ROBO1: variants seen among roughly 807,000 people sequenced by gnomAD.
ROBO1 encodes the protein roundabout guidance receptor 1, also known as roundabout homolog 1.
In ROBO1, 149 loss-of-function variants were observed where a neutral mutation model predicts 195.9. That is an observed-to-expected ratio of 0.76 (90% CI 0.67 to 0.87). ROBO1 has a LOEUF of 0.87. Among genes scored for constraint, ROBO1 ranks in the 40% least tolerant of loss-of-function variants. The pLI is 0.00. For synonymous variants in ROBO1, 816 were observed against 733.2 expected (o/e 1.11, Z -1.82); for missense variants, 1,933 against 2,068.3 (o/e 0.93, Z 1.27).
At chr3:79,735,009 A>G (rs1356027962) in intron 1 of ROBO1, among the ~76,000 whole-genome samples, 2 of 152,314 alleles carry the variant, frequency 1.3e-5, no homozygotes, top group East Asian at 3.9e-4. Context: ...CCCTTCTTGC[A>G]TTAAAATCCA....
rs978080193 is a variant in ROBO1, at chr3:78,805,434, C to T, written c.500-58534G>A. On this transcript the variant is annotated intron_variant, in intron 4 of 30. Coordinates refer to ENST00000464233, the MANE Select transcript of ROBO1 (RefSeq NM_002941.4). ...TTACATTTAATTACTTATACATAAA[C>T]GTCAGTAAACCATATTTACAACTAC... 9.2e-5 allele frequency among the ~76,000 whole-genome samples: 14 copies of T among 151,946 alleles called. No individual in the cohort carries two copies. The East Asian group carries it at 1.4e-3, about 15-fold the overall frequency.
chr3:78,901,922 T>C (rs763597673), intron 4 of ROBO1, among the ~76,000 whole-genome samples: 2 of 152,228 alleles, frequency 1.3e-5, no homozygotes, highest in African/African-American at 2.4e-5. Flanking sequence ...ATAAGTATCC[T>C]ATAAAGTTCT....
chr3:79,146,001 GTTC>G (rs2080640926), intron 2 of ROBO1, among the ~76,000 whole-genome samples: 1 of 148,190 alleles, frequency 6.7e-6, no homozygotes, highest in African/African-American at 2.5e-5. Flanking sequence ...TTTGAGAATA[GTTC>G]AAGTGGGTAA....
At chr3:79,720,791 A>ATTTTTT (rs1381422604) in intron 1 of ROBO1, among the ~76,000 whole-genome samples, 1 of 69,756 alleles carries the variant, frequency 1.4e-5, no homozygotes, top group Admixed American at 2.2e-4. Flanking sequence ...AGGAGTTGCT[A>ATTTTTT]ATTTTTTTTT....
chr3:78,779,890 T>C (rs951107521), intron 4 of ROBO1, among the ~76,000 whole-genome samples: 5 of 151,896 alleles, frequency 3.3e-5, no homozygotes, highest in Non-Finnish European at 5.9e-5. Flanking sequence ...ATAAAGAAAA[T>C]ATGGCACATA....
At chr3:79,354,241 G>A (rs1297632280) in intron 2 of ROBO1, among the ~76,000 whole-genome samples, 6 of 152,062 alleles carry the variant, frequency 3.9e-5, no homozygotes, top group South Asian at 2.1e-4. Context: ...CAGACTTAAC[G>A]CTAACCACAA....
intron 3 of ROBO1, among the ~76,000 whole-genome samples, chr3:78,986,383 AC>A (rs1406911938): frequency 6.6e-6 from 1 of 150,730 alleles, no homozygotes; most frequent in Non-Finnish European, 1.5e-5. Context: ...AAAGAATAAA[AC>A]CTTTTTTTTT....
chr3:79,248,383 A>G (rs1313874070), intron 2 of ROBO1, among the ~76,000 whole-genome samples: 1 of 149,142 alleles, frequency 6.7e-6, no homozygotes, highest in Admixed American at 6.7e-5. Context: ...CCAAAAAAAA[A>G]AAAAAAAAAA....
chr3:79,191,512 T>C (rs1198792567), intron 2 of ROBO1, among the ~76,000 whole-genome samples: 2 of 151,414 alleles, frequency 1.3e-5, no homozygotes, highest in Non-Finnish European at 1.5e-5. Context: ...GGTAATTAAC[T>C]GTGTGAAGTG....
At chr3:79,590,423 C>A (rs942063022) in intron 1 of ROBO1, among the ~76,000 whole-genome samples, 1 of 151,744 alleles carries the variant, frequency 6.6e-6, no homozygotes, top group Non-Finnish European at 1.5e-5. Flanking sequence ...GGTGCATAAA[C>A]ACCTTGAGGC....
chr3:79,311,219 G>C (rs1467011615), intron 2 of ROBO1, among the ~76,000 whole-genome samples: 1 of 152,108 alleles, frequency 6.6e-6, no homozygotes, highest in African/African-American at 2.4e-5. Flanking sequence ...TCAACAAAAA[G>C]ACCTGTCTTC....
At chr3:78,738,598 A>G (rs2082448732) in intron 5 of ROBO1, among the ~76,000 whole-genome samples, 1 of 152,152 alleles carries the variant, frequency 6.6e-6, no homozygotes, top group African/African-American at 2.4e-5. Flanking sequence ...CGTTTAAACC[A>G]TCTAGGATTA....
At chr3:78,951,303 A>ATGTACTG in intron 3 of ROBO1, among the ~76,000 whole-genome samples, 1 of 152,076 alleles carries the variant, frequency 6.6e-6, no homozygotes, top group African/African-American at 2.4e-5. Context: ...CATATATATA[A>ATGTACTG]TATTCGACTC....
intron 2 of ROBO1, among the ~76,000 whole-genome samples, chr3:79,474,985 C>T (rs940586767): frequency 1.3e-5 from 2 of 151,912 alleles, no homozygotes; most frequent in African/African-American, 2.4e-5. Context: ...AGAATTAAAA[C>T]TGGCTGAAAT....
At chr3:79,448,206 A>G (rs1322607282) in intron 2 of ROBO1, among the ~76,000 whole-genome samples, 1 of 152,326 alleles carries the variant, frequency 6.6e-6, no homozygotes. Flanking sequence ...CCAGCATTTC[A>G]TATTAGGCAA....
chr3:79,663,067 T>A (rs12485443), intron 1 of ROBO1, among the ~76,000 whole-genome samples: 46,286 of 151,970 alleles, frequency 0.3, 7,627 homozygotes, highest in East Asian at 0.5. Flanking sequence ...ATAAGTGAAG[T>A]TATTTTCTTT....
At chr3:78,743,844 T>C (rs2082591385) in intron 5 of ROBO1, among the ~76,000 whole-genome samples, 2 of 152,068 alleles carry the variant, frequency 1.3e-5, no homozygotes, top group South Asian at 2.1e-4. Flanking sequence ...ATTTCTTTAA[T>C]TGTCACTCAC....
chr3:79,643,101 C>G (rs545737247), intron 1 of ROBO1, among the ~76,000 whole-genome samples: 6 of 152,026 alleles, frequency 3.9e-5, no homozygotes, highest in South Asian at 2.1e-4. Context: ...AAAAAAAAAG[C>G]AGACAGAAGA....
intron 4 of ROBO1, among the ~76,000 whole-genome samples, chr3:78,846,532 C>A (rs1273637495): frequency 1.3e-5 from 2 of 151,892 alleles, no homozygotes; most frequent in African/African-American, 4.8e-5. Context: ...TATTTTGTAT[C>A]AGAAAAAAGC....
Sources: allele counts gnomAD v4.1 joint callset (sites outside exome capture counted in the v4.1 genomes callset), GRCh38; gene constraint gnomAD v4.1.1; transcripts MANE v1.5; gene names NCBI Gene and HGNC (gene_info 2026-07-23, HGNC 2026-07-21).